RFX7: variants seen among roughly 807,000 people sequenced by gnomAD.
RFX7 encodes DNA-binding protein RFX7.
In RFX7, 26 loss-of-function variants were observed where a neutral mutation model predicts 111.8. The observed-to-expected ratio is 0.23, with a 90% CI of 0.17 to 0.32. RFX7 has a LOEUF of 0.32. Among genes scored for constraint, RFX7 ranks in the 10% least tolerant of loss-of-function variants. RFX7 has a pLI of 1.00. For missense variants in RFX7, 1,573 were observed against 1,772.9 expected, an observed-to-expected ratio of 0.89 and a Z score of 2.02; for synonymous variants, 624 against 624.4, an observed-to-expected ratio of 1.00 and a Z score of 0.01.
chr15:56,096,921 C>T (rs1243071666), intron 9 of RFX7, among the ~76,000 whole-genome samples: 1 of 152,134 alleles, frequency 6.6e-6, no homozygotes, highest in Non-Finnish European at 1.5e-5. Flanking sequence ...AAGGGGGTTA[C>T]AGGAAGAAGA....
chr15:56,114,606 A>G (rs2041984003), intron 5 of RFX7, among the ~76,000 whole-genome samples: 1 of 152,124 alleles, frequency 6.6e-6, no homozygotes, highest in African/African-American at 2.4e-5. Flanking sequence ...TTTGAAACTC[A>G]TTGATAATGC....
chr15:56,142,925 G>C, intron 4 of RFX7, 25 bp from the exon 5 acceptor site: 1 of 1,611,470 alleles, frequency 6.2e-7, no homozygotes, highest in Non-Finnish European at 8.5e-7. Flanking sequence ...ACATGTTTTA[G>C]CTGACCAGAC....
chr15:56,146,744 T>C (rs2042479016), intron 3 of RFX7, among the ~76,000 whole-genome samples: 1 of 152,176 alleles, frequency 6.6e-6, no homozygotes, highest in East Asian at 1.9e-4. Context: ...TTTAAAACAA[T>C]GAAAACTTGT....
chr15:56,243,897 A>G (rs2043764808), upstream of RFX7: 1 of 148,930 alleles, frequency 6.7e-6, no homozygotes, highest in Admixed American at 6.7e-5. Flanking sequence ...GGCCCGGCGC[A>G]GACCGCACAA....
intron 3 of RFX7, 65 bp downstream of exon 3, chr15:56,179,205 G>A: frequency 5.4e-6 from 4 of 742,674 alleles, no homozygotes; most frequent in Non-Finnish European, 5.9e-6. Context: ...CTTGAAAACT[G>A]TATATTTTAT....
intron 2 of RFX7, among the ~76,000 whole-genome samples, chr15:56,221,290 T>C (rs1234827182): frequency 1.3e-5 from 2 of 152,226 alleles, no homozygotes; most frequent in Non-Finnish European, 2.9e-5. Context: ...TTAAAAAACA[T>C]TAATTCTTCC....
intron 2 of RFX7, among the ~76,000 whole-genome samples, chr15:56,220,114 T>G (rs1322211993): frequency 1.3e-5 from 2 of 152,236 alleles, no homozygotes; most frequent in Non-Finnish European, 2.9e-5. Context: ...TTGATTTGCA[T>G]TTCTCTAATG....
chr15:56,168,974 C>G (rs925402650), intron 3 of RFX7, among the ~76,000 whole-genome samples: 2 of 152,186 alleles, frequency 1.3e-5, no homozygotes, highest in Non-Finnish European at 2.9e-5. Context: ...TTTGGTGACA[C>G]AAATTCTTAC....
At chr15:56,132,985 C>T (rs1274370968) in intron 5 of RFX7, among the ~76,000 whole-genome samples, 1 of 151,966 alleles carries the variant, frequency 6.6e-6, no homozygotes, top group Non-Finnish European at 1.5e-5. Context: ...AAAATGTATA[C>T]ATTAAAGAAG....
chr15:56,115,942 CA>C (rs35440094), intron 5 of RFX7, among the ~76,000 whole-genome samples: 29,001 of 99,894 alleles, frequency 0.29, 2,791 homozygotes, highest in East Asian at 0.51. Flanking sequence ...GACTCCGTCT[CA>C]AAAAAAAAAA....
rs2140499211 is a variant in RFX7 at position 56,087,300 on chromosome 15, CATTT to C, written c.*6041_*6044del. The C allele has an allele frequency of 2.7e-6, 1 of 366,938 alleles. No homozygotes were observed. Among genetic ancestry groups the C allele is most frequent in the Non-Finnish European group, 5.4e-6 (1 of 183,894 alleles). The allele number at this position is 366,938 out of a possible 1,614,324, so 22.7% of individuals were successfully genotyped here. On this transcript the variant is annotated 3_prime_UTR_variant, in exon 10 of 10. Coordinates refer to ENST00000559447, the MANE Select transcript of RFX7 (RefSeq NM_022841.7). ...ATAAATGTGAGTTAAACCAGAAAGA[CATTT>C]ATTTCTCTCATGTAAAACACATCCA... is the stretch of plus-strand genomic sequence containing the variant.
chr15:56,140,341 G>A lies in RFX7; in HGVS notation c.401+2437C>T, dbSNP rs540148404. Among the ~76,000 whole-genome samples the A allele has an allele frequency of 5.3e-5, 8 of 152,318 alleles. No homozygotes were observed. The East Asian group carries it at 5.8e-4, about 11-fold the overall frequency. On this transcript the variant is annotated intron_variant, in intron 5 of 9. Transcript: ENST00000559447. ...TGGTGCGCCGCTTTTTAAGCCCGTC[G>A]GAAAAGCGCAGTATTCGGGTGGGAG...
intron 3 of RFX7, among the ~76,000 whole-genome samples, chr15:56,173,409 A>T (rs1163888778): frequency 6.6e-6 from 1 of 152,268 alleles, no homozygotes; most frequent in Admixed American, 6.5e-5. Context: ...ATCAGTGTTC[A>T]GCACTAAATT....
Position 56,106,411 on chromosome 15 carries a change from T to G in RFX7, c.402-2741A>C, listed in dbSNP as rs143923138. Among the ~76,000 whole-genome samples, 524 of 152,330 alleles carry G rather than the reference T, an allele frequency of 3.4e-3. 5 individuals are homozygous for G. The highest frequency in any genetic ancestry group is 4.3e-3 in the Non-Finnish European group (291 of 68,020). ...AAACTGCCTATGATTCAAAACTTTATGCTTTGATAACTCATTTCAAACAGA... is the reference window on the plus strand; with the variant it reads ...AAACTGCCTATGATTCAAAACTTTAGGCTTTGATAACTCATTTCAAACAGA... On this transcript the variant is annotated intron_variant, in intron 5 of 9. Transcript: ENST00000559447.
At chr15:56,109,387 G>C (rs1371717212) in intron 5 of RFX7, among the ~76,000 whole-genome samples, 6 of 152,140 alleles carry the variant, frequency 3.9e-5, no homozygotes, top group Non-Finnish European at 5.9e-5. Flanking sequence ...GCGTGATCTC[G>C]GCTCGCTACA....
chr15:56,212,158 A>C (rs2043319102), intron 2 of RFX7, among the ~76,000 whole-genome samples: 1 of 152,198 alleles, frequency 6.6e-6, no homozygotes, highest in Non-Finnish European at 1.5e-5. Flanking sequence ...TTAATGGAAT[A>C]TGATTCAGTG....
chr15:56,174,612 C>T (rs1014352697), intron 3 of RFX7, among the ~76,000 whole-genome samples: 1 of 151,212 alleles, frequency 6.6e-6, no homozygotes, highest in Non-Finnish European at 1.5e-5. Flanking sequence ...TTGGACACGG[C>T]GGTGCATGCC....
intron 3 of RFX7, among the ~76,000 whole-genome samples, chr15:56,158,809 C>A (rs1444310182): frequency 1.3e-5 from 2 of 152,086 alleles, no homozygotes; most frequent in Non-Finnish European, 2.9e-5. Context: ...CAGAGCAAGA[C>A]CCTGTCTCAA....
At chr15:56,098,845 T>C (rs2041716531) in intron 8 of RFX7, among the ~76,000 whole-genome samples, 1 of 152,218 alleles carries the variant, frequency 6.6e-6, no homozygotes, top group South Asian at 2.1e-4. Flanking sequence ...CTGAAGCCAC[T>C]CCTCATAATG....
Sources: gnomAD v4.1 joint callset for allele counts (sites outside exome capture counted in the v4.1 genomes callset) on GRCh38, gnomAD v4.1.1 for gene constraint, MANE v1.5 for transcripts, NCBI Gene and HGNC (gene_info 2026-07-23, HGNC 2026-07-21) for gene names.